Variants in RSF1 observed in about 807,000 individuals in gnomAD.
The protein encoded by RSF1 is HBV pX-associated protein 8.
In RSF1, 13 loss-of-function variants were observed where a neutral mutation model predicts 145.2. The ratio of observed to expected loss-of-function variants is 0.09; its 90% CI spans 0.06 to 0.14. The LOEUF (loss-of-function observed/expected upper bound fraction) is 0.14, where lower values mean the gene tolerates loss of function less well. Ranked by LOEUF, RSF1 falls within the 10% of genes least tolerant of loss-of-function variation. The pLI, the probability that RSF1 is intolerant of heterozygous loss-of-function variation, is 1.00. For missense variants in RSF1, 1,517 were observed against 1,718.2 expected (o/e 0.88, Z 2.07); for synonymous variants, 577 against 592.6 (o/e 0.97, Z 0.38).
intron 1 of RSF1, among the ~76,000 whole-genome samples, chr11:77,799,497 C>G (rs1948606086): frequency 7.4e-6 from 1 of 134,394 alleles, no homozygotes; most frequent in Non-Finnish European, 1.5e-5. Context: ...GAGTGAGACC[C>G]TGTCTCCAAA....
At chr11:77,835,388 C>G in the RSF1 span, among the ~76,000 whole-genome samples, 448 of 152,238 alleles carry the variant, frequency 2.9e-3, 2 homozygotes, top group African/African-American at 0.01. Context: ...TTTGGGATAA[C>G]TACTATACCT....
In RSF1 at chr11:77,663,449, T is replaced by G. The variant is rs373110388; in HGVS notation, c.*3468A>C. On this transcript the variant is annotated 3_prime_UTR_variant, in exon 16 of 16. Coordinates refer to ENST00000308488, the MANE Select transcript of RSF1 (RefSeq NM_016578.4). The stretch of plus-strand genomic sequence containing the variant: ...CGTGTAACACCCTTTTAAAATTAAT[T>G]TGTTTAAAAATTATTTTTCAAAAGC... 7.9e-5 allele frequency: 12 copies of G among 152,218 alleles called. No homozygotes were observed. Among genetic ancestry groups the G allele is most frequent in the African/African-American group, 2.9e-4 (12 of 41,546 alleles). The allele number at this position is 152,218 out of a possible 1,614,324, so 9.4% of individuals were successfully genotyped here.
chr11:77,769,101 A>C (rs539221652), intron 1 of RSF1, among the ~76,000 whole-genome samples: 6 of 152,270 alleles, frequency 3.9e-5, no homozygotes, highest in African/African-American at 1.4e-4. Context: ...TCTGTCGCCC[A>C]GGCTGGAGTG....
intron 9 of RSF1, among the ~76,000 whole-genome samples, chr11:77,690,739 T>G (rs1192530541): frequency 6.6e-6 from 1 of 152,202 alleles, no homozygotes; most frequent in Non-Finnish European, 1.5e-5. Flanking sequence ...ATACTTCAGA[T>G]AGAAAGTTGG....
rs1267585520 is a variant in RSF1, at chr11:77,662,594, A to C, written c.*4323T>G. ...ATTTTGAAAACAAATTAGTGAACATATAGCAACTCAGTTTAAATACATTGA... is the reference window on the plus strand; with the variant it reads ...ATTTTGAAAACAAATTAGTGAACATCTAGCAACTCAGTTTAAATACATTGA... On this transcript the variant is annotated 3_prime_UTR_variant, in exon 16 of 16. Transcript: ENST00000308488. 4 of 152,108 alleles carry C rather than the reference A, an allele frequency of 2.6e-5. No homozygotes were observed. Among genetic ancestry groups the C allele is most frequent in the Admixed American group, 1.3e-4 (2 of 15,260 alleles). 9.4% of individuals were successfully genotyped at this position (152,108 alleles called of 1,614,324 possible).
At chr11:77,759,855 T>TA (rs11409466) in intron 2 of RSF1, among the ~76,000 whole-genome samples, 104,815 of 134,102 alleles carry the variant, frequency 0.78, 41,584 homozygotes, top group Middle Eastern at 0.9. Flanking sequence ...TGATGCATGT[T>TA]AAAAAAAAAA....
intron 1 of RSF1, among the ~76,000 whole-genome samples, chr11:77,795,927 T>C (rs1183244536): frequency 2.6e-5 from 4 of 152,196 alleles, no homozygotes; most frequent in African/African-American, 7.2e-5. Flanking sequence ...GATTCGACTT[T>C]TCCTGGTTTA....
rs1959325720 is a variant in RSF1 at position 77,664,997 on chromosome 11, T to C, written c.*1920A>G. On this transcript the variant is annotated 3_prime_UTR_variant, in exon 16 of 16. Coordinates refer to ENST00000308488, the MANE Select transcript of RSF1 (RefSeq NM_016578.4). ...TTATTTTATTTTTTATACAGATACA[T>C]ACACATTGCTAGAATCAAAGCAAAA... The C allele has an allele frequency of 6.6e-6, 1 of 152,122 alleles. No individual in the cohort carries two copies. Among genetic ancestry groups the C allele is most frequent in the Non-Finnish European group, 1.5e-5 (1 of 68,022 alleles). The allele number at this position is 152,122 out of a possible 1,614,324, so 9.4% of individuals were successfully genotyped here.
At chr11:77,859,543 C>T in the RSF1 span, among the ~76,000 whole-genome samples, 1 of 152,186 alleles carries the variant, frequency 6.6e-6, no homozygotes, top group Non-Finnish European at 1.5e-5. Context: ...TCTCCTAATT[C>T]TAGTGCCCGA....
At chr11:77,809,982 A>C (rs1948714793) in intron 1 of RSF1, among the ~76,000 whole-genome samples, 1 of 152,262 alleles carries the variant, frequency 6.6e-6, no homozygotes. Context: ...GATATCTAGC[A>C]TAACACATGC....
At chr11:77,742,861 A>T (rs1449345344) in intron 3 of RSF1, among the ~76,000 whole-genome samples, 1 of 152,090 alleles carries the variant, frequency 6.6e-6, no homozygotes, top group Non-Finnish European at 1.5e-5. Flanking sequence ...GAACTCTTTT[A>T]GTAGTTTTAT....
At chr11:77,774,552 C>T (rs965663929) in intron 1 of RSF1, among the ~76,000 whole-genome samples, 1 of 150,218 alleles carries the variant, frequency 6.7e-6, no homozygotes, top group Non-Finnish European at 1.5e-5. Context: ...AGCCTGGCCA[C>T]AGAGCGAGAC....
At chr11:77,715,185 T>A (rs1960778259) in intron 5 of RSF1, among the ~76,000 whole-genome samples, 1 of 151,764 alleles carries the variant, frequency 6.6e-6, no homozygotes, top group African/African-American at 2.4e-5. Flanking sequence ...TTAAGTTCTT[T>A]AAAAAAAAGC....
chr11:77,696,508 G>A (rs975874237), intron 7 of RSF1, among the ~76,000 whole-genome samples: 7 of 152,100 alleles, frequency 4.6e-5, no homozygotes, highest in African/African-American at 1.2e-4. Flanking sequence ...TACCATATTT[G>A]GGATCTTCAG....
At chr11:77,794,086 G>C (rs1008737250) in intron 1 of RSF1, among the ~76,000 whole-genome samples, 2 of 152,078 alleles carry the variant, frequency 1.3e-5, no homozygotes, top group Non-Finnish European at 2.9e-5. Context: ...TATAATAACA[G>C]TGAGGGACTT....
chr11:77,756,430 G>A (rs1948117303), intron 2 of RSF1, among the ~76,000 whole-genome samples: 1 of 150,682 alleles, frequency 6.6e-6, no homozygotes, highest in Non-Finnish European at 1.5e-5. Flanking sequence ...TATTTACTAT[G>A]TGCCAAATAC....
chr11:77,662,414 G>A lies in RSF1; in HGVS notation c.*4503C>T, dbSNP rs1959251542. 1 of 152,060 alleles carries A rather than the reference G, an allele frequency of 6.6e-6. No homozygotes were observed. The highest frequency in any genetic ancestry group is 6.6e-5 in the Admixed American group (1 of 15,248). The allele number at this position is 152,060 out of a possible 1,614,324, so 9.4% of individuals were successfully genotyped here. On this transcript the variant is annotated 3_prime_UTR_variant, in exon 16 of 16. Coordinates refer to ENST00000308488, the MANE Select transcript of RSF1 (RefSeq NM_016578.4). Reference sequence around the variant, plus strand: ...GTTTGCATGAATGAATACAAAAAGTGGTGAGTGTATACTCTAAAGTGGTTA... The same window carrying A: ...GTTTGCATGAATGAATACAAAAAGTAGTGAGTGTATACTCTAAAGTGGTTA...
chr11:77,706,450 G>T (rs1960552993), intron 5 of RSF1, among the ~76,000 whole-genome samples: 1 of 151,800 alleles, frequency 6.6e-6, no homozygotes, highest in African/African-American at 2.4e-5. Flanking sequence ...TTTTATCTTA[G>T]GGGACTTTTT....
intron 1 of RSF1, among the ~76,000 whole-genome samples, chr11:77,806,662 T>C (rs748115523): frequency 1.9e-4 from 28 of 151,130 alleles, no homozygotes; most frequent in African/African-American, 5.1e-4. Flanking sequence ...GTCTGGGCAA[T>C]AGAGCAAGAC....
Sources: gnomAD v4.1 joint callset for allele counts (sites outside exome capture counted in the v4.1 genomes callset) on GRCh38, gnomAD v4.1.1 for gene constraint, MANE v1.5 for transcripts, NCBI Gene and HGNC (gene_info 2026-07-23, HGNC 2026-07-21) for gene names.